Variants in LRRC9 observed in about 807,000 individuals in gnomAD.
LRRC9 encodes the protein leucine-rich repeat-containing protein 9.
In LRRC9, 122 loss-of-function variants were observed where a neutral mutation model predicts 63.2. The observed-to-expected ratio is 1.93, with a 90% CI of 1.67 to 2.24. The LOEUF is 2.24. Among genes scored for constraint, LRRC9 ranks in the 30% most tolerant of loss-of-function variants. LRRC9 has a pLI of 0.00. For synonymous variants in LRRC9, 366 were observed against 213.1 expected, an observed-to-expected ratio of 1.72 and a Z score of -6.25; for missense variants, 1,071 against 627.7, an observed-to-expected ratio of 1.71 and a Z score of -7.55.
chr14:60,019,538 G>A (rs1890954797), intron 26 of LRRC9, among the ~76,000 whole-genome samples: 1 of 151,848 alleles, frequency 6.6e-6, no homozygotes, highest in Admixed American at 6.6e-5. Context: ...GCCTTGTACT[G>A]CATGTTTAAT....
At chr14:59,924,976 A>G (rs1372212432) in intron 1 of LRRC9, among the ~76,000 whole-genome samples, 1 of 147,498 alleles carries the variant, frequency 6.8e-6, no homozygotes, top group East Asian at 2.0e-4. Context: ...TCACACTCAC[A>G]CTCCCTTATG....
chr14:59,996,510 A>T (rs1317409693), intron 17 of LRRC9, among the ~76,000 whole-genome samples: 3 of 152,212 alleles, frequency 2.0e-5, no homozygotes, highest in Non-Finnish European at 4.4e-5. Context: ...TAACAAATTA[A>T]AGTCTTAGAG....
chr14:60,033,453 AG>A (rs1892159140), intron 29 of LRRC9, among the ~76,000 whole-genome samples: 1 of 152,158 alleles, frequency 6.6e-6, no homozygotes, highest in Non-Finnish European at 1.5e-5. Context: ...AACCTATAAA[AG>A]TTTAGGGAAA....
Position 60,053,406 on chromosome 14 carries a change from CACACACACACACACAT to C in LRRC9, c.4131+203_4131+218del, listed in dbSNP as rs1002334548. ...GCTCACACACACACACACACACACA[CACACACACACACACAT>C]ATATATGTAAGTCAGGGAACATCCT... On this transcript the variant is annotated intron_variant, in intron 30 of 31. Coordinates refer to ENST00000445360, the Ensembl canonical transcript of LRRC9. The surrounding 1 kb of genome is among the most constrained non-coding windows in gnomAD (Gnocchi z 4.8). Among the ~76,000 whole-genome samples the C allele has an allele frequency of 1.1e-4, 9 of 84,642 alleles. No homozygotes were observed. The highest frequency in any genetic ancestry group is 1.9e-4 in the Non-Finnish European group (6 of 31,824). The allele number at this position is 84,642 out of a possible 152,430, so 55.5% of individuals were successfully genotyped here.
intron 30 of LRRC9, among the ~76,000 whole-genome samples, chr14:60,054,921 C>A (rs1404192057): frequency 6.6e-6 from 1 of 152,122 alleles, no homozygotes; most frequent in Non-Finnish European, 1.5e-5. Context: ...GCCATCATAC[C>A]AGGCTAATTT....
In LRRC9 at chr14:59,922,408, A is replaced by G. The variant is rs1888865711; in HGVS notation, c.-34+2525A>G. ...TATCTAAAAGGTGTACCATAAAGGTATCTAAAAACAGCTATTCATAGAAGA... is the reference window on the plus strand; with the variant it reads ...TATCTAAAAGGTGTACCATAAAGGTGTCTAAAAACAGCTATTCATAGAAGA... On this transcript the variant is annotated intron_variant, in intron 1 of 31. Coordinates refer to ENST00000445360, the Ensembl canonical transcript of LRRC9. The surrounding 1 kb of genome is among the most constrained non-coding windows in gnomAD (Gnocchi z 5.3). Among the ~76,000 whole-genome samples the G allele has an allele frequency of 6.6e-6, 1 of 152,228 alleles. No homozygotes were observed.
intron 8 of LRRC9, among the ~76,000 whole-genome samples, chr14:59,950,727 T>C (rs1485163187): frequency 8.5e-6 from 1 of 117,780 alleles, no homozygotes; most frequent in Non-Finnish European, 1.7e-5. Context: ...TGCTTGTCTG[T>C]AAAGTATTTT....
At chr14:60,057,654 A>G (rs1282349404) in intron 30 of LRRC9, 2 of 49,502 alleles carry the variant, frequency 4.0e-5, no homozygotes, top group Non-Finnish European at 6.9e-5. Context: ...ATGCAGTCTG[A>G]AAAAAAAAAA....
At chr14:59,991,140 A>C in intron 17 of LRRC9, among the ~76,000 whole-genome samples, 1 of 152,316 alleles carries the variant, frequency 6.6e-6, no homozygotes, top group African/African-American at 2.4e-5. Context: ...TATTGTAAAA[A>C]GTTATGATCT....
At position 59,962,409 on chromosome 14, in the gene LRRC9, A is replaced by ATT. The variant is rs200963575; in HGVS notation, c.1211+1375_1211+1376dup. Among the ~76,000 whole-genome samples, 2 of 147,082 alleles carry ATT rather than the reference A, an allele frequency of 1.4e-5. No individual in the cohort carries two copies. The highest frequency in any genetic ancestry group is 4.0e-4 in the East Asian group (2 of 5,050). ...TTTATATTCACTCAACCTAAACAGGATTTTTTTTTTTTGAGATAGAGTCTC... is the reference window on the plus strand; with the variant it reads ...TTTATATTCACTCAACCTAAACAGGATTTTTTTTTTTTTTGAGATAGAGTCTC... On this transcript the variant is annotated intron_variant, in intron 10 of 31. Coordinates refer to ENST00000445360, the Ensembl canonical transcript of LRRC9. This position sits in a 1 kb window ranked among gnomAD's most constrained non-coding sequence, Gnocchi z 5.1.
intron 1 of LRRC9, among the ~76,000 whole-genome samples, chr14:59,925,562 C>T (rs1451729272): frequency 1.3e-5 from 2 of 152,176 alleles, no homozygotes; most frequent in Non-Finnish European, 2.9e-5. Context: ...ATTGGCAACA[C>T]CTGAAGTTTG....
downstream of LRRC9, among the ~76,000 whole-genome samples, chr14:60,065,275 G>T (rs541851817): frequency 6.6e-6 from 1 of 151,852 alleles, no homozygotes; most frequent in Non-Finnish European, 1.5e-5. Context: ...AGCTACTAGG[G>T]AGGCTGAGGC....
intron 8 of LRRC9, among the ~76,000 whole-genome samples, chr14:59,948,474 T>C (rs1882718336): frequency 1.6e-5 from 2 of 128,346 alleles, no homozygotes; most frequent in South Asian, 5.5e-4. Flanking sequence ...TTTGACTTCC[T>C]CTTTTCCTAA....
chr14:60,061,694 C>T (rs1566917578), intron 31 of LRRC9, among the ~76,000 whole-genome samples: 1 of 152,110 alleles, frequency 6.6e-6, no homozygotes, highest in East Asian at 1.9e-4. Flanking sequence ...GACTGTGCTG[C>T]CCCACCTTTT....
intron 23 of LRRC9, among the ~76,000 whole-genome samples, chr14:60,013,044 G>C (rs1003297020): frequency 1.3e-5 from 2 of 150,578 alleles, no homozygotes; most frequent in Non-Finnish European, 3.0e-5. Context: ...GTGCCATGTT[G>C]GTATGCTGCA....
At chr14:59,978,018 T>C (rs1886499987) in exon 15 of LRRC9, 2 of 697,410 alleles carry the variant, frequency 2.9e-6, no homozygotes, top group African/African-American at 1.7e-5. Flanking sequence ...TTACTCTAGA[T>C]TCTGTCATGG....
In LRRC9 at chr14:60,043,587, A is replaced by T. The variant is rs1257262291; in HGVS notation, c.3991-9478A>T. 2.0e-5 allele frequency among the ~76,000 whole-genome samples: 3 copies of T among 152,150 alleles called. No individual in the cohort carries two copies. The East Asian group carries it at 5.8e-4, about 29-fold the overall frequency. On this transcript the variant is annotated intron_variant, in intron 29 of 31. Coordinates refer to ENST00000445360, the Ensembl canonical transcript of LRRC9. ...CTTGATTCTGTTAATATTGTATAAC[A>T]TGTTTATTGATCTGCATATGTTGAG...
At chr14:60,021,373 G>T (rs1381283048) in intron 26 of LRRC9, among the ~76,000 whole-genome samples, 1 of 151,782 alleles carries the variant, frequency 6.6e-6, no homozygotes, top group African/African-American at 2.4e-5. Flanking sequence ...ATTATTAAGT[G>T]TCTTTATACT....
chr14:59,921,384 C>G (rs896276431), intron 1 of LRRC9, among the ~76,000 whole-genome samples: 3 of 151,916 alleles, frequency 2.0e-5, no homozygotes, highest in African/African-American at 7.3e-5. Flanking sequence ...GGAAGACAGA[C>G]TACAGGGAGG....
Sources: allele counts gnomAD v4.1 joint callset (sites outside exome capture counted in the v4.1 genomes callset), GRCh38; gene constraint gnomAD v4.1.1; non-coding constraint Gnocchi (gnomAD v3.1); transcripts MANE v1.5; gene names NCBI Gene and HGNC (gene_info 2026-07-23, HGNC 2026-07-21).